The following PHACTR1 variants were observed in gnomAD, a reference collection of about 807,000 sequenced individuals.
PHACTR1 encodes the protein RPEL repeat containing 1.
A neutral mutation model predicts 69.2 loss-of-function variants in PHACTR1; 16 were observed. The ratio of observed to expected loss-of-function variants is 0.23; its 90% CI spans 0.16 to 0.35. PHACTR1 has a LOEUF of 0.35. Among genes scored for constraint, PHACTR1 ranks in the 10% least tolerant of loss-of-function variants. The pLI, the probability that PHACTR1 is intolerant of heterozygous loss-of-function variation, is 1.00. For synonymous variants in PHACTR1, 312 were observed against 284.5 expected (o/e 1.10, Z -0.97); for missense variants, 510 against 734.7 (o/e 0.69, Z 3.54).
intron 4 of PHACTR1, among the ~76,000 whole-genome samples, chr6:12,779,393 AAAAG>A (rs1422783950): frequency 6.6e-6 from 1 of 152,222 alleles, no homozygotes; most frequent in Non-Finnish European, 1.5e-5. Flanking sequence ...TTTTCAAAAA[AAAAG>A]AAATCCAGAC....
intron 4 of PHACTR1, among the ~76,000 whole-genome samples, chr6:12,938,978 T>C (rs1330677970): frequency 1.3e-5 from 2 of 152,236 alleles, no homozygotes; most frequent in Non-Finnish European, 2.9e-5. Context: ...CGGGGAAGTT[T>C]CCAGTTTTTG....
chr6:13,089,653 C>T (rs1561814624), intron 5 of PHACTR1, among the ~76,000 whole-genome samples: 1 of 152,112 alleles, frequency 6.6e-6, no homozygotes, highest in African/African-American at 2.4e-5. Flanking sequence ...ACAGGGTCAG[C>T]GTTAGACAAT....
At chr6:12,845,435 C>T (rs1358598845) in intron 4 of PHACTR1, among the ~76,000 whole-genome samples, 1 of 58,660 alleles carries the variant, frequency 1.7e-5, no homozygotes, top group African/African-American at 5.6e-5. Flanking sequence ...ACCCACCCCC[C>T]CCCCCCCCGC....
chr6:12,896,323 G>C (rs1034193111), intron 4 of PHACTR1, among the ~76,000 whole-genome samples: 3 of 152,192 alleles, frequency 2.0e-5, no homozygotes, highest in Non-Finnish European at 4.4e-5. Context: ...CTGCATACAC[G>C]TGCTGTAATT....
chr6:13,054,870 A>G (rs1806536837), intron 5 of PHACTR1, among the ~76,000 whole-genome samples: 2 of 152,024 alleles, frequency 1.3e-5, no homozygotes, highest in Admixed American at 6.6e-5. Flanking sequence ...CAAGGTTTTC[A>G]TTTCCTTCTT....
Position 13,287,360 on chromosome 6 carries a change from T to C in PHACTR1, c.*282T>C, listed in dbSNP as rs1158723976. ...AGCAGGGCCCTGACTGAAGACTGTCTGGCAGGTGGAACGGTCCTTGTCCTC... is the reference window on the plus strand; with the variant it reads ...AGCAGGGCCCTGACTGAAGACTGTCCGGCAGGTGGAACGGTCCTTGTCCTC... On this transcript the variant is annotated 3_prime_UTR_variant, in exon 15 of 15. Coordinates refer to ENST00000332995, the MANE Select transcript of PHACTR1 (RefSeq NM_030948.6). The C allele has an allele frequency of 8.2e-6, 4 of 486,228 alleles. No homozygotes were observed. In the Admixed American group the frequency reaches 1.5e-4, roughly 18 times the overall value. 30.1% of individuals were successfully genotyped at this position (486,228 alleles called of 1,614,324 possible). A position where few individuals can be genotyped will look rare whatever the true frequency, so the allele number is the denominator to read the frequency against.
At chr6:13,206,929 AGTTT>A (rs1001310751) in intron 8 of PHACTR1, among the ~76,000 whole-genome samples, 1 of 152,104 alleles carries the variant, frequency 6.6e-6, no homozygotes, top group African/African-American at 2.4e-5. Flanking sequence ...GCTGGGAATC[AGTTT>A]GTTTTTTTTT....
chr6:13,160,382 A>G (rs1561920101), intron 6 of PHACTR1, 98 bp downstream of exon 6: 1 of 1,074,264 alleles, frequency 9.3e-7, no homozygotes, highest in Non-Finnish European at 1.4e-6. Context: ...GCATCACCAG[A>G]TATCAGGATT....
At chr6:12,890,307 T>C (rs1784052287) in intron 4 of PHACTR1, among the ~76,000 whole-genome samples, 1 of 152,062 alleles carries the variant, frequency 6.6e-6, no homozygotes, top group Admixed American at 6.5e-5. Flanking sequence ...GCCAAAAAGG[T>C]TGGGGCTCGC....
chr6:13,280,836 G>A, intron 12 of PHACTR1: 1 of 607,900 alleles, frequency 1.6e-6, no homozygotes, highest in Non-Finnish European at 2.5e-6. Flanking sequence ...ATTCAAGGAA[G>A]GACTTCAGGT....
intron 4 of PHACTR1, among the ~76,000 whole-genome samples, chr6:12,833,007 TGAGGTAGATAGAATATGAG>T (rs1777752856): frequency 1.3e-5 from 2 of 152,074 alleles, no homozygotes; most frequent in Admixed American, 1.3e-4. Context: ...CCAAATTTGG[TGAGGTAGATAGAATATGAG>T]GAGACAGTCT....
At chr6:13,276,961 C>T (rs1393880964) in intron 11 of PHACTR1, among the ~76,000 whole-genome samples, 1 of 152,170 alleles carries the variant, frequency 6.6e-6, no homozygotes, top group African/African-American at 2.4e-5. Context: ...GTGATGCACC[C>T]TATGCCAAAA....
At position 13,263,579 on chromosome 6, in the gene PHACTR1, A is replaced by G. The variant is rs918738799; in HGVS notation, c.1392-9281A>G. ...ATATATAGTAGCAAAGCTACTTAAG[A>G]TCCCTTGAAAGTACATTAAACATTT... On this transcript the variant is annotated intron_variant, in intron 10 of 14. Transcript: ENST00000332995. Among the ~76,000 whole-genome samples, 9 of 152,344 alleles carry G rather than the reference A, an allele frequency of 5.9e-5. 1 individual carries two copies. The highest frequency in any genetic ancestry group is 2.0e-4 in the Admixed American group (3 of 15,308).
intron 4 of PHACTR1, among the ~76,000 whole-genome samples, chr6:12,950,413 A>G (rs1169535404): frequency 6.6e-6 from 1 of 152,224 alleles, no homozygotes; most frequent in African/African-American, 2.4e-5. Context: ...CAGCCTACTC[A>G]GATTCAGAGA....
rs559571641 is a variant in PHACTR1, at chr6:12,997,055, C to T, written c.251-56310C>T. 2.0e-5 allele frequency among the ~76,000 whole-genome samples: 3 copies of T among 151,970 alleles called. No homozygotes were observed. The East Asian group carries it at 5.8e-4, about 29-fold the overall frequency. On this transcript the variant is annotated intron_variant, in intron 4 of 14. Coordinates refer to ENST00000332995, the MANE Select transcript of PHACTR1 (RefSeq NM_030948.6). ...TGGCGCATGCCTGTAATCCCAGCTA[C>T]TCGGGAGGCTGAGGCAGGAGAATCG...
In PHACTR1 at chr6:12,957,509, G is replaced by A. The variant is rs369050589; in HGVS notation, c.251-95856G>A. On this transcript the variant is annotated intron_variant, in intron 4 of 14. Coordinates refer to ENST00000332995, the MANE Select transcript of PHACTR1 (RefSeq NM_030948.6). Reference sequence around the variant, plus strand: ...GTAAAACGCAGGACTCCTTGGAGACGCCAGCTGGGCTTCTAAGGACTGGGG... The same window carrying A: ...GTAAAACGCAGGACTCCTTGGAGACACCAGCTGGGCTTCTAAGGACTGGGG... The A allele has an allele frequency of 5.1e-5, 50 of 985,340 alleles. 1 individual carries two copies. The East Asian group carries it at 3.1e-3, about 60-fold the overall frequency. 61.0% of individuals were successfully genotyped at this position (985,340 alleles called of 1,614,324 possible). A position where few individuals can be genotyped will look rare whatever the true frequency, so the allele number is the denominator to read the frequency against.
rs569726296 is a variant in PHACTR1 at position 13,104,075 on chromosome 6, ACT to A, written c.415+50549_415+50550del. Among the ~76,000 whole-genome samples the A allele has an allele frequency of 8.3e-4, 127 of 152,158 alleles. 1 individual carries two copies. The highest frequency in any genetic ancestry group is 1.5e-3 in the Non-Finnish European group (100 of 67,974). Reference sequence around the variant, plus strand: ...CTCCAGCCTGGGCAACAGAGTTGAGACTCTGTCTCAAAAAAATAAAAAATAAA... The same window carrying A: ...CTCCAGCCTGGGCAACAGAGTTGAGACTGTCTCAAAAAAATAAAAAATAAA... On this transcript the variant is annotated intron_variant, in intron 5 of 14. Transcript: ENST00000332995.
chr6:13,125,311 AT>A (rs2127954164), intron 5 of PHACTR1, among the ~76,000 whole-genome samples: 1 of 152,196 alleles, frequency 6.6e-6, no homozygotes, highest in South Asian at 2.1e-4. Context: ...TTCTGCTCTA[AT>A]TTGTATTTGT....
At chr6:13,228,315 CCT>C (rs1252398482) in intron 9 of PHACTR1, among the ~76,000 whole-genome samples, 1 of 152,188 alleles carries the variant, frequency 6.6e-6, no homozygotes, top group Non-Finnish European at 1.5e-5. Flanking sequence ...CCACCTCCTA[CCT>C]CTTTAAGTGG....
Sources: gnomAD v4.1 joint callset for allele counts (sites outside exome capture counted in the v4.1 genomes callset) on GRCh38, gnomAD v4.1.1 for gene constraint, MANE v1.5 for transcripts, NCBI Gene and HGNC (gene_info 2026-07-23, HGNC 2026-07-21) for gene names.